The following IGDCC4 variants were observed in gnomAD, a reference collection of about 807,000 sequenced individuals.
IGDCC4 encodes likely ortholog of mouse neighbor of Punc E11.
A neutral mutation model predicts 116.6 loss-of-function variants in IGDCC4; 72 were observed. That is an observed-to-expected ratio of 0.62 (90% CI 0.51 to 0.75). IGDCC4 has a LOEUF of 0.75. IGDCC4 is among the 30% of genes least tolerant of loss of function. IGDCC4 has a pLI of 0.00. For synonymous variants in IGDCC4, 709 were observed against 719.9 expected, an observed-to-expected ratio of 0.98 and a Z score of 0.24; for missense variants, 1,501 against 1,662.4, an observed-to-expected ratio of 0.90 and a Z score of 1.69.
chr15:65,386,841 C>T (rs2091465442), intron 16 of IGDCC4, among the ~76,000 whole-genome samples, 185 bp from the exon 17 acceptor site: 1 of 152,192 alleles, frequency 6.6e-6, no homozygotes, highest in Non-Finnish European at 1.5e-5. Flanking sequence ...ACCTCTCCCT[C>T]TGACTGTCCT....
intron 3 of IGDCC4, among the ~76,000 whole-genome samples, chr15:65,406,333 G>A (rs2063041009): frequency 6.6e-6 from 1 of 152,192 alleles, no homozygotes; most frequent in African/African-American, 2.4e-5. Flanking sequence ...TTGTGTAAAT[G>A]GTATAAGTAT....
chr15:65,384,945 G>T lies in IGDCC4; in HGVS notation c.3342+9C>A. The stretch of plus-strand genomic sequence containing the variant: ...CTCCTTTCCTGCCCCTTCCTTCCAG[G>T]ACGCTGACCTTTATGGCGTCGTACA... On this transcript the variant is annotated intron_variant, in intron 19 of 19. Coordinates refer to ENST00000352385, the MANE Select transcript of IGDCC4 (RefSeq NM_020962.3). This position sits in a 1 kb window ranked among gnomAD's most constrained non-coding sequence, Gnocchi z 4.9. The T allele has an allele frequency of 6.2e-7, 1 of 1,607,894 alleles. No homozygotes were observed. The highest frequency in any genetic ancestry group is 1.3e-5 in the African/African-American group (1 of 74,512).
Position 65,393,689 on chromosome 15 carries a change from A to G in IGDCC4, c.1715-158T>C, listed in dbSNP as rs1417670749. 2.6e-5 allele frequency among the ~76,000 whole-genome samples: 4 copies of G among 152,192 alleles called. No homozygotes were observed. The highest frequency in any genetic ancestry group is 4.4e-5 in the Non-Finnish European group (3 of 68,036). On this transcript the variant is annotated intron_variant, in intron 9 of 19. Transcript: ENST00000352385. This position sits in a 1 kb window ranked among gnomAD's most constrained non-coding sequence, Gnocchi z 4.6. ...ACCCCTCAGTGCCTGGGCAGATTCT[A>G]TGGCTCCAGGGTTGACGCTTGAGCC...
At chr15:65,410,629 A>C in intron 2 of IGDCC4, 2 of 472,762 alleles carry the variant, frequency 4.2e-6, no homozygotes, top group Non-Finnish European at 3.9e-6. Flanking sequence ...AGAGCCCCCT[A>C]AGGGGTAAGG....
chr15:65,391,800 G>T, intron 12 of IGDCC4, 80 bp downstream of exon 12: 1 of 1,294,176 alleles, frequency 7.7e-7, no homozygotes, highest in Non-Finnish European at 1.1e-6. Flanking sequence ...TCACCAGGCT[G>T]GCCCAAAGGA....
chr15:65,385,054 G>A lies in IGDCC4; in HGVS notation c.3242C>T (p.Pro1081Leu), dbSNP rs1041486097. 8 of 1,603,832 alleles carry A rather than the reference G, an allele frequency of 5.0e-6. No individual in the cohort carries two copies. The highest frequency in any genetic ancestry group is 6.8e-6 in the Non-Finnish European group (8 of 1,177,174). The change falls in exon 19 of 20, where the codon CCC (proline) becomes CTC (leucine). Residue 1081 changes from proline (P) to leucine (L), a missense_variant. By Grantham distance (98) the Pro-to-Leu change is moderately conservative (BLOSUM62 -3). This residue lies in a region of IGDCC4 where 368 missense variants were observed against 355.6 expected (regional missense o/e 1.03). Transcript: ENST00000352385. Reference sequence around the variant, plus strand: ...CAGAGCCGGCCGGGGGCCTGCCTGGGGCAGCTCACAGCCTGCCCAGGAACC... The same window carrying A: ...CAGAGCCGGCCGGGGGCCTGCCTGGAGCAGCTCACAGCCTGCCCAGGAACC... ...WAGSWAGCEL[P>L]QAGPRPALTR... is the part of the protein sequence containing the mutation.
chr15:65,393,491 C>G lies in IGDCC4; in HGVS notation c.1755G>C (p.Gln585His). The change falls in exon 10 of 20, where the codon CAG (glutamine) becomes CAC (histidine). Residue 585 changes from glutamine (Q) to histidine (H), a missense_variant. Gln to His is a conservative substitution (Grantham distance 24, BLOSUM62 0). This residue lies in a region of IGDCC4 where 898 missense variants were observed against 978.9 expected (regional missense o/e 0.92). Transcript: ENST00000352385. The surrounding 1 kb of genome is among the most constrained non-coding windows in gnomAD (Gnocchi z 4.6). ...FSTEVRGNET[Q>H]LMLNSLQPNK... ...TTGGCTGAAGCGAGTTCAGCATAAG[C>G]TGTGTCTCATTTCCTCGCACCTCAG... 6.2e-7 allele frequency: 1 copy of G among 1,609,218 alleles called. No homozygotes were observed. The highest frequency in any genetic ancestry group is 8.5e-7 in the Non-Finnish European group (1 of 1,177,176).
chr15:65,393,386 C>T lies in IGDCC4; in HGVS notation c.1860G>A (p.Thr620=), dbSNP rs748216096. The change falls in exon 10 of 20, where the codon ACG becomes ACA. Residue 620 remains threonine, a synonymous_variant. Transcript: ENST00000352385. This position sits in a 1 kb window ranked among gnomAD's most constrained non-coding sequence, Gnocchi z 4.6. ...GAPSQWMHHR[T]PSMHNQSHVP... ...CATGGCTCTGGTTGTGCATACTGGG[C>T]GTCCTGTGATGCATCCACTGGGAGG... 1.1e-5 allele frequency: 17 copies of T among 1,612,228 alleles called. No homozygotes were observed. Among genetic ancestry groups the T allele is most frequent in the East Asian group, 4.5e-5 (2 of 44,818 alleles).
chr15:65,410,535 A>T, intron 2 of IGDCC4: 1 of 592,864 alleles, frequency 1.7e-6, no homozygotes, highest in Admixed American at 2.9e-5. Context: ...CCCCTGCCCA[A>T]CATCATCATG....
intron 6 of IGDCC4, 30 bp from the exon 7 acceptor site, chr15:65,396,193 G>A (rs1367277470): frequency 4.7e-6 from 7 of 1,501,800 alleles, no homozygotes; most frequent in East Asian, 2.6e-5. Context: ...CGCTGAGCGC[G>A]GGATCCCGCA....
intron 1 of IGDCC4, among the ~76,000 whole-genome samples, chr15:65,422,176 C>T (rs1416444878): frequency 3.9e-5 from 6 of 152,240 alleles, no homozygotes; most frequent in Admixed American, 6.5e-5. Context: ...TAACCGGCCC[C>T]AGGGACCACA....
At chr15:65,403,191 T>C (rs1398010291) in intron 3 of IGDCC4, among the ~76,000 whole-genome samples, 1 of 152,200 alleles carries the variant, frequency 6.6e-6, no homozygotes, top group East Asian at 1.9e-4. Context: ...TAAATTTGTT[T>C]GGGTACATTC....
Position 65,396,974 on chromosome 15 carries a change from G to C in IGDCC4, c.857C>G (p.Ser286Cys). Residue 286 changes from serine (S) to cysteine (C), a missense_variant, in exon 6 of 20, where the codon TCC becomes TGC. Around this residue, in one of 3 missense-constraint regions of IGDCC4, gnomAD observed 898 missense variants for 978.9 expected, o/e 0.92. Coordinates refer to ENST00000352385, the MANE Select transcript of IGDCC4 (RefSeq NM_020962.3). Reference protein sequence around the residue: ...SWVRQDGKPISTDVIVLGRTN... With the variant: ...SWVRQDGKPICTDVIVLGRTN... The stretch of plus-strand genomic sequence containing the variant: ...GCGGCCCAGGACGATGACATCTGTG[G>C]AGATGGGCTTCCCGTCTGGGGAAGG... 1 of 1,581,290 alleles carries C rather than the reference G, an allele frequency of 6.3e-7. No homozygotes were observed. The highest frequency in any genetic ancestry group is 8.6e-7 in the Non-Finnish European group (1 of 1,163,268).
chr15:65,411,301 A>G lies in IGDCC4; in HGVS notation c.140T>C (p.Leu47Pro). The G allele has an allele frequency of 6.2e-7, 1 of 1,610,692 alleles. No individual in the cohort carries two copies. The highest frequency in any genetic ancestry group is 8.5e-7 in the Non-Finnish European group (1 of 1,177,958). Reference protein sequence around the residue: ...SCGVGPLQVILGPEQAAVLNC... With the variant: ...SCGVGPLQVIPGPEQAAVLNC... ...TAGCACTGCAGCCTGCTCTGGGCCC[A>G]GGATCACTTGCAGTGGCCCCACTCC... The change falls in exon 2 of 20, where the codon CTG (leucine) becomes CCG (proline). Residue 47 changes from leucine (L) to proline (P), a missense_variant. Coordinates refer to ENST00000352385, the MANE Select transcript of IGDCC4 (RefSeq NM_020962.3).
In IGDCC4 at chr15:65,388,542, G is replaced by C. The variant is rs1000423055; in HGVS notation, c.2752C>G (p.Arg918Gly). 6.2e-7 allele frequency: 1 copy of C among 1,614,152 alleles called. No homozygotes were observed. Reference sequence around the variant, plus strand: ...CGCGCCCCCATCTTGAAGAAGTACCGAGTGTCGCTCTCCAGGCCATGGACC... The same window carrying C: ...CGCGCCCCCATCTTGAAGAAGTACCCAGTGTCGCTCTCCAGGCCATGGACC... ...AEVHGLESDTRYFFKMGARTE... is the reference protein window; with the variant it reads ...AEVHGLESDTGYFFKMGARTE... The change falls in exon 16 of 20, where the codon CGG becomes GGG. Residue 918 changes from arginine to glycine, a missense_variant. By Grantham distance (125) the Arg-to-Gly change is moderately radical. Transcript: ENST00000352385.
chr15:65,386,924 C>T (rs2091466142), intron 16 of IGDCC4, among the ~76,000 whole-genome samples: 1 of 152,182 alleles, frequency 6.6e-6, no homozygotes. Context: ...GTTGCCTGCT[C>T]CCAGGGCTGT....
At chr15:65,397,236 G>C (rs2062937180) in intron 5 of IGDCC4, among the ~76,000 whole-genome samples, 3 of 152,162 alleles carry the variant, frequency 2.0e-5, no homozygotes, top group Admixed American at 6.5e-5. Context: ...GCACAGTGCA[G>C]GCATATATTA....
At chr15:65,417,874 G>C (rs28405186) in intron 1 of IGDCC4, among the ~76,000 whole-genome samples, 34,208 of 151,942 alleles carry the variant, frequency 0.23, 4,760 homozygotes, top group East Asian at 0.72. Flanking sequence ...GGGATTACAG[G>C]AGTGAGCCAC....
rs1170743778 is a variant in IGDCC4 at position 65,386,619 on chromosome 15, C to T, written c.2883G>A (p.Val961=). The change falls in exon 17 of 20, where the codon GTG becomes GTA. Residue 961 remains valine, a synonymous_variant. Coordinates refer to ENST00000352385, the MANE Select transcript of IGDCC4 (RefSeq NM_020962.3). ...GGCAGAGGAGGCCCAGGCAGACACC[C>T]ACGATGATGCCCGTGACTGAGTGCA... is the stretch of plus-strand genomic sequence containing the variant. ...LDMHSVTGII[V]GVCLGLLCLL... 1.7e-5 allele frequency: 27 copies of T among 1,612,412 alleles called. No homozygotes were observed. The highest frequency in any genetic ancestry group is 2.1e-5 in the Non-Finnish European group (25 of 1,179,818).
Sources: gnomAD v4.1 joint callset for allele counts (sites outside exome capture counted in the v4.1 genomes callset) on GRCh38, gnomAD v4.1.1 for gene constraint, gnomAD v4.1.1 regional missense constraint, Gnocchi (gnomAD v3.1) non-coding constraint, MANE v1.5 for transcripts, NCBI Gene and HGNC (gene_info 2026-07-23, HGNC 2026-07-21) for gene names.